The following NTN4 variants were observed in gnomAD, a reference collection of about 807,000 sequenced individuals.
NTN4 encodes the protein netrin-4.
Under a neutral mutation model 73.6 loss-of-function variants are expected in NTN4, and 32 were observed. The observed-to-expected ratio is 0.44, with a 90% CI of 0.33 to 0.58. The LOEUF (loss-of-function observed/expected upper bound fraction) is 0.58, where lower values mean the gene tolerates loss of function less well. Among genes scored for constraint, NTN4 ranks in the 20% least tolerant of loss-of-function variants. The pLI is 0.04. For missense variants in NTN4, 654 were observed against 798.3 expected (o/e 0.82, Z 2.18); for synonymous variants, 258 against 287.5 (o/e 0.90, Z 1.04).
chr12:95,688,054 T>C (rs2078375298), intron 5 of NTN4, among the ~76,000 whole-genome samples: 1 of 152,150 alleles, frequency 6.6e-6, no homozygotes, highest in African/African-American at 2.4e-5. Context: ...GCTTTAGAGG[T>C]TGAATTTTGT....
At chr12:95,739,346 T>C (rs1278181726) in intron 2 of NTN4, among the ~76,000 whole-genome samples, 2 of 152,222 alleles carry the variant, frequency 1.3e-5, no homozygotes, top group African/African-American at 4.8e-5. Flanking sequence ...TTTGAACTTT[T>C]AAAGCTTAAA....
intron 2 of NTN4, among the ~76,000 whole-genome samples, chr12:95,751,891 T>C (rs1277964429): frequency 7.8e-6 from 1 of 127,606 alleles, no homozygotes; most frequent in African/African-American, 3.0e-5. Flanking sequence ...CAATACCCTT[T>C]TAAGCACTCC....
intron 3 of NTN4, among the ~76,000 whole-genome samples, chr12:95,736,345 C>T (rs536422422): frequency 6.6e-6 from 1 of 152,244 alleles, no homozygotes; most frequent in East Asian, 1.9e-4. Flanking sequence ...ATTGAGGGTC[C>T]ACCCTGTGCC....
intron 5 of NTN4, among the ~76,000 whole-genome samples, chr12:95,706,530 A>T (rs987062273): frequency 3.9e-5 from 6 of 152,232 alleles, no homozygotes; most frequent in Non-Finnish European, 8.8e-5. Context: ...TGAGCTATAC[A>T]TCATTAAAAT....
chr12:95,770,988 A>ATTT (rs1460848065), intron 2 of NTN4, among the ~76,000 whole-genome samples: 5 of 58,096 alleles, frequency 8.6e-5, no homozygotes, highest in African/African-American at 2.2e-4. Context: ...CAGGAAAAGA[A>ATTT]TTTGTTTTTT....
intron 2 of NTN4, among the ~76,000 whole-genome samples, chr12:95,776,791 A>G (rs2079096111): frequency 6.6e-6 from 1 of 152,176 alleles, no homozygotes; most frequent in African/African-American, 2.4e-5. Flanking sequence ...CCAACATTCA[A>G]ATTCAGGAAA....
At chr12:95,752,869 A>G (rs1050724286) in intron 2 of NTN4, among the ~76,000 whole-genome samples, 1 of 151,900 alleles carries the variant, frequency 6.6e-6, no homozygotes, top group African/African-American at 2.4e-5. Context: ...ACTATGCTCA[A>G]CTCACTCTCT....
Position 95,789,613 on chromosome 12 carries a change from C to A in NTN4, c.55+642G>T, listed in dbSNP as rs1222317009. On this transcript the variant is annotated intron_variant, in intron 1 of 9. Coordinates refer to ENST00000343702, the MANE Select transcript of NTN4 (RefSeq NM_021229.4). The surrounding 1 kb of genome is among the most constrained non-coding windows in gnomAD (Gnocchi z 4.0). Reference sequence around the variant, plus strand: ...CCAGTTACCGAGCCAGGGAGCAGACCCGCCTCCGACCTCCCGCAGAGTCTC... The same window carrying A: ...CCAGTTACCGAGCCAGGGAGCAGACACGCCTCCGACCTCCCGCAGAGTCTC... Among the ~76,000 whole-genome samples, 1 of 152,180 alleles carries A rather than the reference C, an allele frequency of 6.6e-6. No individual in the cohort carries two copies. The highest frequency in any genetic ancestry group is 1.5e-5 in the Non-Finnish European group (1 of 68,040).
rs1253295695 is a variant in NTN4, at chr12:95,781,129, TCACA to T, written c.585+5806_585+5809del. Among the ~76,000 whole-genome samples the T allele has an allele frequency of 6.6e-6, 1 of 151,896 alleles. No individual in the cohort carries two copies. The highest frequency in any genetic ancestry group is 2.4e-5 in the African/African-American group (1 of 41,338). ...ACACTTGGGCACAGGAAGGGGAACA[TCACA>T]CACACACCGGGGCCTGTTGTGGGGT... On this transcript the variant is annotated intron_variant, in intron 2 of 9. Coordinates refer to ENST00000343702, the MANE Select transcript of NTN4 (RefSeq NM_021229.4). The surrounding 1 kb of genome is among the most constrained non-coding windows in gnomAD (Gnocchi z 4.1).
intron 7 of NTN4, among the ~76,000 whole-genome samples, chr12:95,674,540 T>C (rs1239354711): frequency 6.6e-6 from 1 of 152,194 alleles, no homozygotes; most frequent in Admixed American, 6.5e-5. Context: ...TTGTTTACAG[T>C]TCTGTGGTAC....
chr12:95,664,317 T>G (rs1429443308), intron 9 of NTN4, among the ~76,000 whole-genome samples: 1 of 152,144 alleles, frequency 6.6e-6, no homozygotes, highest in Non-Finnish European at 1.5e-5. Context: ...CTTGGCCTCC[T>G]AAAGTACTGA....
At chr12:95,679,320 A>C (rs1182748612) in intron 7 of NTN4, among the ~76,000 whole-genome samples, 1 of 152,244 alleles carries the variant, frequency 6.6e-6, no homozygotes, top group African/African-American at 2.4e-5. Flanking sequence ...CTCATGAAAC[A>C]TGATAGACAA....
intron 7 of NTN4, among the ~76,000 whole-genome samples, chr12:95,680,193 G>C (rs2078305129): frequency 6.6e-6 from 1 of 152,206 alleles, no homozygotes; most frequent in African/African-American, 2.4e-5. Context: ...CACAGAAGCA[G>C]AGATTTAATG....
intron 3 of NTN4, among the ~76,000 whole-genome samples, chr12:95,734,355 T>C (rs1344738315): frequency 3.3e-5 from 5 of 152,166 alleles, no homozygotes; most frequent in African/African-American, 7.2e-5. Context: ...TAAACATAGA[T>C]TCTTAGGCCT....
intron 3 of NTN4, among the ~76,000 whole-genome samples, chr12:95,729,063 A>C (rs2078716457): frequency 1.3e-5 from 2 of 152,164 alleles, no homozygotes; most frequent in African/African-American, 4.8e-5. Context: ...TGAGCCAATT[A>C]AACCTCCTTT....
rs374757016 is a variant in NTN4 at position 95,659,058 on chromosome 12, G to A, written c.*28C>T. 177 of 1,586,454 alleles carry A rather than the reference G, an allele frequency of 1.1e-4. No homozygotes were observed. Among genetic ancestry groups the A allele is most frequent in the Non-Finnish European group, 1.5e-4 (172 of 1,170,246 alleles). ...AAGTTTGTGTTTTGTACATAGACAAGTGCCATTATGTGCTATCCATCTTAA... is the reference window on the plus strand; with the variant it reads ...AAGTTTGTGTTTTGTACATAGACAAATGCCATTATGTGCTATCCATCTTAA... On this transcript the variant is annotated 3_prime_UTR_variant, in exon 10 of 10. Coordinates refer to ENST00000343702, the MANE Select transcript of NTN4 (RefSeq NM_021229.4).
chr12:95,698,440 T>C (rs1047186143), intron 5 of NTN4, among the ~76,000 whole-genome samples: 5 of 152,250 alleles, frequency 3.3e-5, no homozygotes, highest in Admixed American at 6.5e-5. Context: ...TGGTATACTA[T>C]TTATTTATTC....
At chr12:95,722,717 G>A (rs1172839750) in intron 3 of NTN4, among the ~76,000 whole-genome samples, 2 of 152,150 alleles carry the variant, frequency 1.3e-5, no homozygotes, top group Admixed American at 1.3e-4. Context: ...GCTCATGCCT[G>A]TAATCCCAGC....
Position 95,658,277 on chromosome 12 carries a change from A to C in NTN4, c.*809T>G, listed in dbSNP as rs1466167751. 6.6e-6 allele frequency: 1 copy of C among 152,140 alleles called. No homozygotes were observed. Among genetic ancestry groups the C allele is most frequent in the East Asian group, 1.9e-4 (1 of 5,192 alleles). The allele number at this position is 152,140 out of a possible 1,614,324, so 9.4% of individuals were successfully genotyped here. A position where few individuals can be genotyped will look rare whatever the true frequency, so the allele number is the denominator to read the frequency against. On this transcript the variant is annotated 3_prime_UTR_variant, in exon 10 of 10. Transcript: ENST00000343702. ...TCTACATTTATGATTTCTTTCTCTT[A>C]TTTTAAAGTCTCTTCTGGTTTAGTT...
Sources: allele counts gnomAD v4.1 joint callset (sites outside exome capture counted in the v4.1 genomes callset), GRCh38; gene constraint gnomAD v4.1.1; non-coding constraint Gnocchi (gnomAD v3.1); transcripts MANE v1.5; gene names NCBI Gene and HGNC (gene_info 2026-07-23, HGNC 2026-07-21).